The following SHROOM3 variants were observed in gnomAD, a reference collection of about 807,000 sequenced individuals.
The protein encoded by SHROOM3 is protein Shroom3.
Under a neutral mutation model 138.6 loss-of-function variants are expected in SHROOM3, and 47 were observed. That is an observed-to-expected ratio of 0.34 (90% CI 0.27 to 0.43). The LOEUF (loss-of-function observed/expected upper bound fraction) is 0.43, where lower values mean the gene tolerates loss of function less well. Ranked by LOEUF, SHROOM3 falls within the 20% of genes least tolerant of loss-of-function variation. The pLI, the probability that SHROOM3 is intolerant of heterozygous loss-of-function variation, is 1.00. For missense variants in SHROOM3, 2,491 were observed against 2,596.5 expected, an observed-to-expected ratio of 0.96 and a Z score of 0.88; for synonymous variants, 1,062 against 1,063.3, an observed-to-expected ratio of 1.00 and a Z score of 0.02.
At chr4:76,662,019 T>C (rs1343632671) in intron 2 of SHROOM3, among the ~76,000 whole-genome samples, 2 of 152,230 alleles carry the variant, frequency 1.3e-5, no homozygotes, top group Non-Finnish European at 2.9e-5. Flanking sequence ...GTGTTAGTTT[T>C]CTATTGCTGC....
chr4:76,675,862 A>G (rs1435676446), intron 2 of SHROOM3, among the ~76,000 whole-genome samples: 1 of 152,204 alleles, frequency 6.6e-6, no homozygotes, highest in Non-Finnish European at 1.5e-5. Flanking sequence ...CCTGTCATCA[A>G]TCAATCATTA....
intron 1 of SHROOM3, among the ~76,000 whole-genome samples, chr4:76,463,810 G>A (rs952699562): frequency 6.6e-6 from 1 of 152,242 alleles, no homozygotes; most frequent in Non-Finnish European, 1.5e-5. Flanking sequence ...CCAAACCTTG[G>A]CAGTTTCTAC....
chr4:76,530,400 A>G (rs1018256385), intron 1 of SHROOM3, among the ~76,000 whole-genome samples: 1 of 152,156 alleles, frequency 6.6e-6, no homozygotes, highest in African/African-American at 2.4e-5. Context: ...CAAAGCCTTG[A>G]TCAGCTGCTG....
intron 1 of SHROOM3, among the ~76,000 whole-genome samples, chr4:76,521,645 C>T (rs1329554903): frequency 6.6e-6 from 1 of 152,056 alleles, no homozygotes; most frequent in Non-Finnish European, 1.5e-5. Context: ...GTCATTGTGC[C>T]CCAGTGATGC....
intron 1 of SHROOM3, among the ~76,000 whole-genome samples, chr4:76,526,949 C>T (rs1367866938): frequency 6.6e-6 from 1 of 152,134 alleles, no homozygotes; most frequent in Non-Finnish European, 1.5e-5. Flanking sequence ...ACCCAATATC[C>T]CTGAACAATG....
At chr4:76,553,824 T>C (rs950774514) in intron 1 of SHROOM3, among the ~76,000 whole-genome samples, 3 of 152,124 alleles carry the variant, frequency 2.0e-5, no homozygotes, top group African/African-American at 7.2e-5. Flanking sequence ...AGAGCAATAT[T>C]AGGTTCATAA....
chr4:76,697,048 C>G (rs1033197119), intron 2 of SHROOM3, among the ~76,000 whole-genome samples: 7 of 151,808 alleles, frequency 4.6e-5, no homozygotes, highest in African/African-American at 1.7e-4. Flanking sequence ...TCCTGAGTAA[C>G]TAGGACCACA....
At position 76,445,748 on chromosome 4, in the gene SHROOM3, A is replaced by G. The variant is rs368272619; in HGVS notation, c.168+9528A>G. ...TCGCACCAAGAGTCTTTCTCTATTC[A>G]TGGTGAAATGGACAGACCCATGGCA... On this transcript the variant is annotated intron_variant, in intron 1 of 10. Coordinates refer to ENST00000296043, the MANE Select transcript of SHROOM3 (RefSeq NM_020859.4). 1.6e-4 allele frequency among the ~76,000 whole-genome samples: 25 copies of G among 152,250 alleles called. No homozygotes were observed. In the East Asian group the frequency reaches 4.4e-3, roughly 27 times the overall value.
chr4:76,697,732 C>A (rs961360414), intron 2 of SHROOM3, among the ~76,000 whole-genome samples: 4 of 152,164 alleles, frequency 2.6e-5, no homozygotes, highest in African/African-American at 9.7e-5. Context: ...GTACAGCCAG[C>A]ACAGGTGCCA....
intron 1 of SHROOM3, among the ~76,000 whole-genome samples, chr4:76,519,519 T>C (rs1343426323): frequency 6.6e-6 from 1 of 152,180 alleles, no homozygotes; most frequent in African/African-American, 2.4e-5. Flanking sequence ...ATCAGGAAGA[T>C]AATGAATCGC....
intron 1 of SHROOM3, among the ~76,000 whole-genome samples, chr4:76,493,682 C>T (rs371863736): frequency 2.6e-5 from 4 of 152,136 alleles, no homozygotes. Context: ...TTAGCTTTAA[C>T]GTAAAGTGAA....
At position 76,554,901 on chromosome 4, in the gene SHROOM3, G is replaced by A. The variant is rs557702725; in HGVS notation, c.169-708G>A. 4.6e-5 allele frequency among the ~76,000 whole-genome samples: 7 copies of A among 152,100 alleles called. No homozygotes were observed. In the South Asian group the frequency reaches 1.5e-3, roughly 32 times the overall value. Reference sequence around the variant, plus strand: ...AGCTCTGCCTCCTGTAAGATCAGTGGCAGCATTAGATTCTCACAGGAGCCC... The same window carrying A: ...AGCTCTGCCTCCTGTAAGATCAGTGACAGCATTAGATTCTCACAGGAGCCC... On this transcript the variant is annotated intron_variant, in intron 1 of 10. Coordinates refer to ENST00000296043, the MANE Select transcript of SHROOM3 (RefSeq NM_020859.4).
intron 2 of SHROOM3, among the ~76,000 whole-genome samples, chr4:76,602,484 T>A (rs944533548): frequency 1.3e-5 from 2 of 152,210 alleles, no homozygotes; most frequent in African/African-American, 4.8e-5. Context: ...CTTGATTTTT[T>A]TTTTCGTTAG....
intron 2 of SHROOM3, among the ~76,000 whole-genome samples, chr4:76,652,337 G>A (rs898982047): frequency 4.6e-5 from 7 of 152,148 alleles, no homozygotes; most frequent in African/African-American, 1.7e-4. Context: ...TTGCCTCAAG[G>A]TTCAGACAGG....
intron 1 of SHROOM3, among the ~76,000 whole-genome samples, chr4:76,495,364 C>G (rs146173712): frequency 6.6e-6 from 1 of 152,212 alleles, no homozygotes; most frequent in Non-Finnish European, 1.5e-5. Flanking sequence ...ACCTTCCCCC[C>G]AGGGATGGCC....
At chr4:76,643,955 C>T (rs1735749254) in intron 2 of SHROOM3, among the ~76,000 whole-genome samples, 1 of 151,878 alleles carries the variant, frequency 6.6e-6, no homozygotes, top group Non-Finnish European at 1.5e-5. Context: ...AGCCATTCTC[C>T]TGCCTCGGCC....
chr4:76,752,964 G>A (rs539797451), intron 6 of SHROOM3, among the ~76,000 whole-genome samples: 1 of 152,338 alleles, frequency 6.6e-6, no homozygotes, highest in Admixed American at 6.5e-5. Context: ...TTTAAAAACA[G>A]TTTGTATGCT....
chr4:76,745,721 C>T (rs982326602), intron 5 of SHROOM3, among the ~76,000 whole-genome samples: 2 of 152,188 alleles, frequency 1.3e-5, no homozygotes, highest in Admixed American at 1.3e-4. Context: ...TGGTGCACAC[C>T]TGTAATCCCA....
At chr4:76,689,391 C>A (rs1300897826) in intron 2 of SHROOM3, among the ~76,000 whole-genome samples, 2 of 129,442 alleles carry the variant, frequency 1.5e-5, no homozygotes, top group African/African-American at 2.8e-5. Context: ...CGCGGCCCCT[C>A]GGGTGCGGCG....
Sources: gnomAD v4.1 joint callset for allele counts (sites outside exome capture counted in the v4.1 genomes callset) on GRCh38, gnomAD v4.1.1 for gene constraint, MANE v1.5 for transcripts, NCBI Gene and HGNC (gene_info 2026-07-23, HGNC 2026-07-21) for gene names.